Variants in JAK1 observed in about 807,000 individuals in gnomAD.
The protein encoded by JAK1 is Janus kinase 1.
A neutral mutation model predicts 136.6 loss-of-function variants in JAK1; 16 were observed. The ratio of observed to expected loss-of-function variants is 0.12; its 90% CI spans 0.08 to 0.18. The LOEUF is 0.18. Ranked by LOEUF, JAK1 falls within the 10% of genes least tolerant of loss-of-function variation. The probability of loss-of-function intolerance (pLI) is 1.00; values close to 1 mark genes in which losing one functional copy is unlikely to be tolerated. For missense variants in JAK1, 859 were observed against 1,450.1 expected (o/e 0.59, Z 6.62); for synonymous variants, 492 against 519.5 (o/e 0.95, Z 0.72).
intron 4 of JAK1, among the ~76,000 whole-genome samples, chr1:64,877,227 C>T (rs766404197): frequency 2.6e-5 from 4 of 152,280 alleles, no homozygotes; most frequent in Non-Finnish European, 5.9e-5. Flanking sequence ...CTGAAATCAT[C>T]ACCAACATTT....
chr1:64,951,682 G>A lies in JAK1; in HGVS notation c.-78+14651C>T, dbSNP rs565841902. ...TTTTTTTTTTTTTTTTTTTTGAGAC[G>A]GAGTCTCGCTCTGTCGCCCAGGCTG... On this transcript the variant is annotated intron_variant, in intron 1 of 24. Coordinates refer to ENST00000342505, the MANE Select transcript of JAK1 (RefSeq NM_002227.4). Among the ~76,000 whole-genome samples the A allele has an allele frequency of 5.7e-3, 649 of 114,158 alleles. 3 individuals carry two copies. Among genetic ancestry groups the A allele is most frequent in the Middle Eastern group, 8.9e-3 (1 of 112 alleles). 74.9% of individuals were successfully genotyped at this position (114,158 alleles called of 152,430 possible). A position where few individuals can be genotyped will look rare whatever the true frequency, so the allele number is the denominator to read the frequency against.
intron 1 of JAK1, among the ~76,000 whole-genome samples, chr1:64,956,498 T>C (rs987879936): frequency 2.0e-5 from 3 of 152,236 alleles, no homozygotes; most frequent in Non-Finnish European, 4.4e-5. Flanking sequence ...TAAATGTCAC[T>C]TTCTCAGACC....
chr1:64,839,454 T>C (rs575872221), intron 20 of JAK1, 149 bp downstream of exon 20: 78 of 634,590 alleles, frequency 1.2e-4, no homozygotes, highest in African/African-American at 1.1e-3. Context: ...ATTTGACATA[T>C]GACTTGGAAG....
intron 4 of JAK1, chr1:64,876,038 T>C (rs1464563025): frequency 6.6e-6 from 1 of 152,084 alleles, no homozygotes; most frequent in Non-Finnish European, 1.5e-5. Flanking sequence ...AATAAGAGAA[T>C]GAGAAGTAGG....
intron 2 of JAK1, chr1:64,972,781 C>T (rs549953559): frequency 6.6e-6 from 1 of 151,004 alleles, no homozygotes; most frequent in African/African-American, 2.4e-5. Context: ...AGAGTGAGAC[C>T]CTGTCTCCAA....
At chr1:64,987,470 T>A (rs999155538) in intron 2 of JAK1, 2 of 152,240 alleles carry the variant, frequency 1.3e-5, no homozygotes, top group Non-Finnish European at 2.9e-5. Context: ...CTTCACAAGC[T>A]TCTCTAAGGC....
At chr1:64,859,457 A>G (rs1352805261) in intron 9 of JAK1, among the ~76,000 whole-genome samples, 1 of 152,220 alleles carries the variant, frequency 6.6e-6, no homozygotes, top group Non-Finnish European at 1.5e-5. Context: ...GAGGTACTTC[A>G]GCACAGGCTG....
At chr1:64,889,309 T>C (rs1188059220) in intron 1 of JAK1, among the ~76,000 whole-genome samples, 1 of 152,174 alleles carries the variant, frequency 6.6e-6, no homozygotes, top group Admixed American at 6.5e-5. Flanking sequence ...CTGGGTTCAA[T>C]TCCCAACTCA....
At chr1:64,946,523 C>T (rs1057351187) in intron 1 of JAK1, among the ~76,000 whole-genome samples, 1 of 152,208 alleles carries the variant, frequency 6.6e-6, no homozygotes, top group African/African-American at 2.4e-5. Context: ...TACCCACAAT[C>T]ATACTTACTT....
At chr1:64,959,675 T>G (rs539086950) in intron 1 of JAK1, among the ~76,000 whole-genome samples, 3 of 152,242 alleles carry the variant, frequency 2.0e-5, no homozygotes, top group Middle Eastern at 6.3e-3. Context: ...AAAAGCACCT[T>G]TGTTAGTCAT....
At chr1:65,001,742 G>A (rs186967280) in intron 2 of JAK1, among the ~76,000 whole-genome samples, 1 of 151,762 alleles carries the variant, frequency 6.6e-6, no homozygotes, top group Non-Finnish European at 1.5e-5. Context: ...GTGTGTTTGA[G>A]GGGCAGCAAG....
At chr1:64,896,503 T>C (rs574676643) in intron 1 of JAK1, among the ~76,000 whole-genome samples, 2 of 152,342 alleles carry the variant, frequency 1.3e-5, no homozygotes, top group African/African-American at 4.8e-5. Context: ...GCAAATATTA[T>C]GGTAGGATGT....
At chr1:64,996,117 T>C (rs1646701833) in intron 2 of JAK1, among the ~76,000 whole-genome samples, 1 of 152,218 alleles carries the variant, frequency 6.6e-6, no homozygotes, top group Non-Finnish European at 1.5e-5. Context: ...CAAAACATAA[T>C]GCTTGGTTAA....
At chr1:64,931,798 G>A (rs74841357) in intron 1 of JAK1, among the ~76,000 whole-genome samples, 1 of 152,132 alleles carries the variant, frequency 6.6e-6, no homozygotes, top group Non-Finnish European at 1.5e-5. Flanking sequence ...AGGAACCCAT[G>A]TGACTCTCAG....
At chr1:65,010,687 A>T (rs1031902792) in intron 2 of JAK1, among the ~76,000 whole-genome samples, 1 of 152,208 alleles carries the variant, frequency 6.6e-6, no homozygotes, top group South Asian at 2.1e-4. Flanking sequence ...TTCTTTATTT[A>T]AAAAAATAGG....
At chr1:64,982,678 C>T (rs190339382) in intron 2 of JAK1, among the ~76,000 whole-genome samples, 1 of 152,272 alleles carries the variant, frequency 6.6e-6, no homozygotes, top group Admixed American at 6.5e-5. Context: ...TTTAGCTCTG[C>T]TTCATCCTAG....
intron 23 of JAK1, among the ~76,000 whole-genome samples, chr1:64,835,861 A>C (rs1413440388): frequency 6.6e-6 from 1 of 152,140 alleles, no homozygotes; most frequent in Non-Finnish European, 1.5e-5. Context: ...TCATCTCTAC[A>C]CAGATAAGAT....
chr1:64,981,798 T>G (rs1332530855), intron 2 of JAK1, among the ~76,000 whole-genome samples: 1 of 152,114 alleles, frequency 6.6e-6, no homozygotes, highest in African/African-American at 2.4e-5. Flanking sequence ...GGAACTGAAG[T>G]TTTAACAGGG....
At chr1:65,037,306 TTTTG>T (rs1253906144) in intron 2 of JAK1, among the ~76,000 whole-genome samples, 1 of 152,068 alleles carries the variant, frequency 6.6e-6, no homozygotes, top group Non-Finnish European at 1.5e-5. Context: ...TATGAAGTTT[TTTTG>T]TTTGTTTGTT....
Sources: allele counts gnomAD v4.1 joint callset (sites outside exome capture counted in the v4.1 genomes callset), GRCh38; gene constraint gnomAD v4.1.1; transcripts MANE v1.5; gene names NCBI Gene and HGNC (gene_info 2026-07-23, HGNC 2026-07-21).